The following STAG1 variants were observed in gnomAD, a reference collection of about 807,000 sequenced individuals.
STAG1 encodes the protein cohesin subunit SA-1.
STAG1 carries 26 observed loss-of-function variants against 170.9 expected under a neutral mutation model. That is an observed-to-expected ratio of 0.15 (90% confidence interval 0.11 to 0.21). The LOEUF (loss-of-function observed/expected upper bound fraction) is 0.21, where lower values mean the gene tolerates loss of function less well. Among genes scored for constraint, STAG1 ranks in the 10% least tolerant of loss-of-function variants. The probability of loss-of-function intolerance (pLI) is 1.00; values close to 1 mark genes in which losing one functional copy is unlikely to be tolerated. For missense variants in STAG1, 964 were observed against 1,509.5 expected (o/e 0.64, Z 5.99); for synonymous variants, 514 against 497.7 (o/e 1.03, Z -0.44).
At chr3:136,340,185 G>A (rs559728122) in intron 32 of STAG1, among the ~76,000 whole-genome samples, 58 of 152,082 alleles carry the variant, frequency 3.8e-4, no homozygotes, top group Admixed American at 7.2e-4. Flanking sequence ...ATGGAGTTTC[G>A]CTCTTGTTGT....
At chr3:136,709,727 C>CCT (rs1943333162) in intron 1 of STAG1, among the ~76,000 whole-genome samples, 1 of 151,814 alleles carries the variant, frequency 6.6e-6, no homozygotes, top group South Asian at 2.1e-4. Flanking sequence ...AGAACAAGAC[C>CCT]CTCTCTCTAA....
intron 22 of STAG1, among the ~76,000 whole-genome samples, chr3:136,384,865 A>T (rs1331714779): frequency 2.0e-5 from 3 of 152,204 alleles, no homozygotes; most frequent in Non-Finnish European, 4.4e-5. Context: ...CTAGACACTG[A>T]AAAAGAATAA....
intron 4 of STAG1, among the ~76,000 whole-genome samples, chr3:136,584,995 G>A (rs1437966952): frequency 6.6e-6 from 1 of 152,180 alleles, no homozygotes; most frequent in Non-Finnish European, 1.5e-5. Flanking sequence ...TCTTTTTGCT[G>A]AAGAGTAAAT....
chr3:136,351,221 C>CA (rs1349424837), intron 28 of STAG1, among the ~76,000 whole-genome samples: 4 of 151,382 alleles, frequency 2.6e-5, no homozygotes, highest in African/African-American at 9.7e-5. Flanking sequence ...AATGCTTTAT[C>CA]ACCAATCTTT....
At chr3:136,646,003 C>G (rs1332107403) in intron 1 of STAG1, among the ~76,000 whole-genome samples, 1 of 152,200 alleles carries the variant, frequency 6.6e-6, no homozygotes, top group Non-Finnish European at 1.5e-5. Context: ...ATGTGCTACA[C>G]TCCACAGCCC....
At chr3:136,505,248 GCTT>G (rs767633422) in intron 7 of STAG1, among the ~76,000 whole-genome samples, 1 of 152,196 alleles carries the variant, frequency 6.6e-6, no homozygotes, top group South Asian at 2.1e-4. Context: ...CTCTTAAGTG[GCTT>G]CTTCTTGTCT....
At chr3:136,691,278 A>T (rs913230200) in intron 1 of STAG1, among the ~76,000 whole-genome samples, 2 of 152,108 alleles carry the variant, frequency 1.3e-5, no homozygotes, top group Admixed American at 1.3e-4. Context: ...TACTAAAAAT[A>T]CAAAAAATTA....
chr3:136,662,734 C>T (rs376786901), intron 1 of STAG1, among the ~76,000 whole-genome samples: 20 of 152,160 alleles, frequency 1.3e-4, no homozygotes, highest in Non-Finnish European at 2.5e-4. Flanking sequence ...CAAAAGCCAC[C>T]GCACCCAGCC....
chr3:136,422,610 G>A lies in STAG1; in HGVS notation c.1837C>T (p.Leu613=). ...IYSTGRMEKH[L]DALLKQIKFV... is the part of the protein sequence containing the mutation. ...TTAATCTGTTTTAATAAAGCATCCA[G>A]ATGCTGAGGAGACAAAAAAAGAAAA... The change falls in exon 19 of 34, where the codon CTG becomes TTG. Residue 613 remains leucine (L), a synonymous_variant. Coordinates refer to ENST00000383202, the MANE Select transcript of STAG1 (RefSeq NM_005862.3). The A allele has an allele frequency of 1.2e-6, 2 of 1,605,888 alleles. No homozygotes were observed. The highest frequency in any genetic ancestry group is 1.7e-6 in the Non-Finnish European group (2 of 1,178,218).
intron 8 of STAG1, among the ~76,000 whole-genome samples, chr3:136,501,113 T>C (rs572539329): frequency 1.8e-4 from 27 of 152,370 alleles, no homozygotes; most frequent in African/African-American, 6.0e-4. Context: ...GGAATACTTT[T>C]ATTGCAAAAT....
chr3:136,536,316 T>C (rs577402096), intron 6 of STAG1, among the ~76,000 whole-genome samples: 1 of 152,202 alleles, frequency 6.6e-6, no homozygotes, highest in South Asian at 2.1e-4. Flanking sequence ...ATAATAAAAA[T>C]AGCCAGAAAC....
chr3:136,628,294 A>G (rs754212880), intron 2 of STAG1, among the ~76,000 whole-genome samples: 29 of 152,172 alleles, frequency 1.9e-4, no homozygotes, highest in Non-Finnish European at 3.7e-4. Flanking sequence ...TTTTCTTCAT[A>G]AATTACCCAG....
chr3:136,552,610 G>A (rs953177626), intron 5 of STAG1, among the ~76,000 whole-genome samples: 1 of 152,140 alleles, frequency 6.6e-6, no homozygotes, highest in African/African-American at 2.4e-5. Flanking sequence ...ATGAGGTAGA[G>A]GGTCTAGAAG....
chr3:136,694,280 G>A (rs1403249847), intron 1 of STAG1, among the ~76,000 whole-genome samples: 1 of 152,132 alleles, frequency 6.6e-6, no homozygotes, highest in Non-Finnish European at 1.5e-5. Flanking sequence ...TGACCACTGA[G>A]TGTTGGGCTG....
rs148392287 is a variant in STAG1, at chr3:136,600,625, G to C, written c.297+3684C>G. Reference sequence around the variant, plus strand: ...TGGCTCAATGCAACCTCTACCTCCCGGGTTCAAGCAATTCTCCTGCCTCAG... The same window carrying C: ...TGGCTCAATGCAACCTCTACCTCCCCGGTTCAAGCAATTCTCCTGCCTCAG... On this transcript the variant is annotated intron_variant, in intron 4 of 33. Transcript: ENST00000383202. Among the ~76,000 whole-genome samples, 181 of 152,222 alleles carry C rather than the reference G, an allele frequency of 1.2e-3. 2 individuals carry two copies. In the South Asian group the frequency reaches 0.035, roughly 29 times the overall value.
chr3:136,642,781 A>G (rs1053892905), intron 1 of STAG1, among the ~76,000 whole-genome samples: 1 of 152,192 alleles, frequency 6.6e-6, no homozygotes, highest in Non-Finnish European at 1.5e-5. Context: ...GGAAGCTAGA[A>G]GACCACAATC....
chr3:136,643,477 T>C (rs146286537), intron 1 of STAG1, among the ~76,000 whole-genome samples: 95 of 152,292 alleles, frequency 6.2e-4, no homozygotes, highest in African/African-American at 2.2e-3. Context: ...GCAAGTGTAA[T>C]GACCAAGGCA....
At chr3:136,614,887 T>A (rs1228677973) in intron 3 of STAG1, among the ~76,000 whole-genome samples, 1 of 152,152 alleles carries the variant, frequency 6.6e-6, no homozygotes, top group East Asian at 1.9e-4. Context: ...ATAATATATA[T>A]TAACTTTTTT....
At chr3:136,751,641 C>G (rs1476127474) in intron 1 of STAG1, among the ~76,000 whole-genome samples, 1 of 152,164 alleles carries the variant, frequency 6.6e-6, no homozygotes, top group Non-Finnish European at 1.5e-5. Context: ...GCCAGCCGCC[C>G]CGCCGAGCGA....
Sources: gnomAD v4.1 joint callset for allele counts (sites outside exome capture counted in the v4.1 genomes callset) on GRCh38, gnomAD v4.1.1 for gene constraint, MANE v1.5 for transcripts, NCBI Gene and HGNC (gene_info 2026-07-23, HGNC 2026-07-21) for gene names.